PTGR1: variants seen among roughly 807,000 people sequenced by gnomAD.
The protein encoded by PTGR1 is 15-oxoprostaglandin 13-reductase.
PTGR1 carries 23 observed loss-of-function variants against 37.7 expected under a neutral mutation model. The ratio of observed to expected loss-of-function variants is 0.61; its 90% CI spans 0.44 to 0.86. The LOEUF (loss-of-function observed/expected upper bound fraction) is 0.86. Ranked by LOEUF, PTGR1 falls within the 40% of genes least tolerant of loss-of-function variation. The pLI is 0.00. For synonymous variants in PTGR1, 134 were observed against 140.0 expected (o/e 0.96, Z 0.30); for missense variants, 351 against 394.3 (o/e 0.89, Z 0.93).
chr9:111,591,655 C>T (rs937565618), intron 4 of PTGR1, among the ~76,000 whole-genome samples: 1 of 152,098 alleles, frequency 6.6e-6, no homozygotes, highest in African/African-American at 2.4e-5. Flanking sequence ...CAGGCGTGAG[C>T]CACTGCTGGC....
chr9:111,559,700 C>T (rs1352055145), downstream of PTGR1, among the ~76,000 whole-genome samples: 1 of 152,094 alleles, frequency 6.6e-6, no homozygotes, highest in Admixed American at 6.5e-5. Flanking sequence ...CAGCCAGCCT[C>T]GGTGCATGAC....
At chr9:111,552,206 G>C (rs1477391505) in intron 9 of PTGR1, among the ~76,000 whole-genome samples, 1 of 152,158 alleles carries the variant, frequency 6.6e-6, no homozygotes, top group Non-Finnish European at 1.5e-5. Context: ...GGATTTTCTA[G>C]TACAGGAAAT....
At chr9:111,576,079 G>C (rs989988196) in intron 7 of PTGR1, among the ~76,000 whole-genome samples, 7 of 151,890 alleles carry the variant, frequency 4.6e-5, no homozygotes, top group African/African-American at 1.7e-4. Flanking sequence ...AGGTTGGCTT[G>C]AACCTGGGAG....
At chr9:111,554,079 C>T (rs1828049144) in intron 9 of PTGR1, among the ~76,000 whole-genome samples, 1 of 152,178 alleles carries the variant, frequency 6.6e-6, no homozygotes, top group African/African-American at 2.4e-5. Context: ...GTTTCCCATT[C>T]CACTCTAGAG....
intron 9 of PTGR1, chr9:111,549,813 C>G (rs759731304): frequency 6.8e-7 from 1 of 1,480,028 alleles, no homozygotes; most frequent in Non-Finnish European, 9.2e-7. Context: ...TCAACACAAT[C>G]AGAACATTTA....
chr9:111,569,325 G>A (rs1367780265), intron 9 of PTGR1, among the ~76,000 whole-genome samples: 8 of 152,186 alleles, frequency 5.3e-5, no homozygotes, highest in Admixed American at 4.6e-4. Flanking sequence ...AAGAGTCTGA[G>A]GAGGACCAAT....
rs1255106146 is a variant in PTGR1, at chr9:111,578,868, GTAGT to G, written c.575_578del (p.Asn192ThrfsTer4). The G allele has an allele frequency of 3.9e-5, 63 of 1,611,878 alleles. No individual in the cohort carries two copies. Among genetic ancestry groups the G allele is most frequent in the Non-Finnish European group, 5.2e-5 (61 of 1,178,968 alleles). On this transcript the variant is annotated frameshift_variant, in exon 7 of 10. Transcript: ENST00000407693. LOFTEE classifies it high-confidence loss of function. ...TTTCTTCCAAAGACTCTACCGTCTT[GTAGT>G]TAAAGACGACATCAAATCCAAGCTT...
downstream of PTGR1, among the ~76,000 whole-genome samples, chr9:111,561,231 A>G (rs779795935): frequency 1.6e-4 from 24 of 146,282 alleles, no homozygotes; most frequent in Non-Finnish European, 3.3e-4. Context: ...CATATGTTCA[A>G]GTCTTCTTTT....
chr9:111,558,945 A>G (rs1235116379), downstream of PTGR1, among the ~76,000 whole-genome samples: 1 of 151,906 alleles, frequency 6.6e-6, no homozygotes, highest in East Asian at 1.9e-4. Flanking sequence ...TTCTATCACC[A>G]CCACTACCCC....
intron 4 of PTGR1, among the ~76,000 whole-genome samples, chr9:111,587,299 A>C (rs1422253019): frequency 6.6e-6 from 1 of 152,166 alleles, no homozygotes; most frequent in Non-Finnish European, 1.5e-5. Flanking sequence ...CCCAGATCAT[A>C]AAGTTATATA....
intron 1 of PTGR1, among the ~76,000 whole-genome samples, chr9:111,598,385 G>A (rs1381931610): frequency 1.3e-5 from 2 of 152,200 alleles, no homozygotes; most frequent in African/African-American, 2.4e-5. Flanking sequence ...CTCCCCTACC[G>A]GTGCCGCGGG....
intron 1 of PTGR1, 76 bp downstream of exon 1, chr9:111,599,527 G>C (rs763529587): frequency 1.3e-5 from 2 of 152,506 alleles, no homozygotes; most frequent in Non-Finnish European, 2.9e-5. Context: ...GGGGCGTCTA[G>C]AAACTTGGCA....
downstream of PTGR1, among the ~76,000 whole-genome samples, chr9:111,561,620 A>G (rs1828324658): frequency 6.6e-6 from 1 of 152,192 alleles, no homozygotes; most frequent in Non-Finnish European, 1.5e-5. Context: ...GTAGATGTAT[A>G]GACATTCCTG....
intron 9 of PTGR1, among the ~76,000 whole-genome samples, chr9:111,555,664 G>A (rs1452338571): frequency 3.3e-5 from 5 of 152,004 alleles, no homozygotes; most frequent in South Asian, 2.1e-4. Context: ...CATGGCAGCA[G>A]GGGAGAGCAA....
chr9:111,564,277 TTTATTA>T (rs3031175), intron 9 of PTGR1: 30,417 of 484,826 alleles, frequency 0.063, 1,042 homozygotes, highest in East Asian at 0.14. Context: ...AATTTAAACT[TTTATTA>T]TTATTATTAT....
chr9:111,549,809 C>G (rs751792658), intron 9 of PTGR1: 13 of 1,485,060 alleles, frequency 8.8e-6, no homozygotes, highest in Non-Finnish European at 1.1e-5. Flanking sequence ...TCTGTCAACA[C>G]AATCAGAACA....
downstream of PTGR1, among the ~76,000 whole-genome samples, chr9:111,560,618 G>A (rs745701063): frequency 3.2e-5 from 4 of 125,338 alleles, no homozygotes; most frequent in African/African-American, 6.4e-5. Flanking sequence ...GTCAGCCTGG[G>A]AGACAGAGAC....
chr9:111,586,197 C>T lies in PTGR1; in HGVS notation c.210-32G>A, dbSNP rs368760384. 4.6e-5 allele frequency: 73 copies of T among 1,599,708 alleles called. No homozygotes were observed. In the Middle Eastern group the frequency reaches 1.0e-3, roughly 22 times the overall value. On this transcript the variant is annotated intron_variant, in intron 4 of 9. Coordinates refer to ENST00000407693, the MANE Select transcript of PTGR1 (RefSeq NM_001146108.2). ...GATAAAGCACATTAAGGCATTAAGG[C>T]ATGTGACATGTCTTCCCTTTCAAGG... is the stretch of plus-strand genomic sequence containing the variant.
chr9:111,594,545 CA>C (rs1227898563), intron 2 of PTGR1, among the ~76,000 whole-genome samples: 1 of 129,774 alleles, frequency 7.7e-6, no homozygotes, highest in African/African-American at 3.0e-5. Context: ...TCGTTTTTGG[CA>C]TTCTTTTTTT....
Sources: allele counts gnomAD v4.1 joint callset (sites outside exome capture counted in the v4.1 genomes callset), GRCh38; gene constraint gnomAD v4.1.1; transcripts MANE v1.5; gene names NCBI Gene and HGNC (gene_info 2026-07-23, HGNC 2026-07-21).